Variants in TMPRSS11E observed in about 807,000 individuals in gnomAD.
The protein encoded by TMPRSS11E is transmembrane protease serine 11E.
A neutral mutation model predicts 48.1 loss-of-function variants in TMPRSS11E; 38 were observed. The observed-to-expected ratio is 0.79, with a 90% CI of 0.61 to 1.04. TMPRSS11E has a LOEUF of 1.04. Ranked by LOEUF, TMPRSS11E falls within the 50% of genes least tolerant of loss-of-function variation. The pLI is 0.00. For missense variants in TMPRSS11E, 530 were observed against 510.8 expected (o/e 1.04, Z -0.36); for synonymous variants, 158 against 171.9 (o/e 0.92, Z 0.63).
rs745322593 is a variant in TMPRSS11E, at chr4:68,476,344, T to G, written c.613T>G (p.Trp205Gly). 32 of 1,614,044 alleles carry G rather than the reference T, an allele frequency of 2.0e-5. No individual in the cohort carries two copies. The highest frequency in any genetic ancestry group is 2.5e-5 in the Non-Finnish European group (29 of 1,180,004). Residue 205 changes from tryptophan (W) to glycine (G), a missense_variant, in exon 7 of 10, where the codon TGG (tryptophan) becomes GGG (glycine). Physicochemically the swap from Trp to Gly is radical, Grantham distance 184. Coordinates refer to ENST00000305363, the MANE Select transcript of TMPRSS11E (RefSeq NM_014058.4). ...AGAAGTAGAAGAGGGTGAATGGCCC[T>G]GGCAGGCTAGCCTGCAGTGGGATGG... is the stretch of plus-strand genomic sequence containing the variant. ...GTEVEEGEWP[W>G]QASLQWDGSH...
intron 1 of TMPRSS11E, among the ~76,000 whole-genome samples, chr4:68,454,034 G>A (rs967930295): frequency 2.6e-5 from 4 of 151,984 alleles, no homozygotes; most frequent in Non-Finnish European, 5.9e-5. Context: ...TGGACAAGGG[G>A]CACTATTTGA....
At chr4:68,447,767 A>C (rs1728381517) in intron 1 of TMPRSS11E, among the ~76,000 whole-genome samples, 1 of 151,984 alleles carries the variant, frequency 6.6e-6, no homozygotes, top group South Asian at 2.1e-4. Context: ...AGGTTTCTAC[A>C]CAATGTAAAG....
chr4:68,489,427 G>T (rs1042281482), intron 9 of TMPRSS11E, among the ~76,000 whole-genome samples: 6 of 152,290 alleles, frequency 3.9e-5, no homozygotes, highest in Non-Finnish European at 7.4e-5. Context: ...GTCAGTGAGG[G>T]TCCTTGTGCT....
chr4:68,466,200 A>G (rs1483894563), intron 2 of TMPRSS11E, among the ~76,000 whole-genome samples: 2 of 152,236 alleles, frequency 1.3e-5, no homozygotes, highest in East Asian at 3.9e-4. Context: ...TTGCGGCCAG[A>G]ATTGATGTAT....
intron 9 of TMPRSS11E, among the ~76,000 whole-genome samples, chr4:68,490,123 C>T (rs62317883): frequency 0.32 from 48,358 of 152,054 alleles, 8,922 homozygotes; most frequent in Middle Eastern, 0.5. Flanking sequence ...CTCTCCAGGC[C>T]AGGAACAAGT....
At chr4:68,484,376 A>G (rs1729494453) in intron 9 of TMPRSS11E, among the ~76,000 whole-genome samples, 1 of 152,098 alleles carries the variant, frequency 6.6e-6, no homozygotes, top group Non-Finnish European at 1.5e-5. Flanking sequence ...CCACAACTAT[A>G]GTTCACTGCA....
At position 68,476,423 on chromosome 4, in the gene TMPRSS11E, C is replaced by T. The variant is rs1199321534; in HGVS notation, c.692C>T (p.Ala231Val). The T allele has an allele frequency of 3.1e-6, 5 of 1,611,372 alleles. No individual in the cohort carries two copies. Among genetic ancestry groups the T allele is most frequent in the Non-Finnish European group, 3.4e-6 (4 of 1,178,294 alleles). ...AATGCCACATGGCTTGTGAGTGCTGCTCACTGTTTTACAACGTAAGTCTTG... is the reference window on the plus strand; with the variant it reads ...AATGCCACATGGCTTGTGAGTGCTGTTCACTGTTTTACAACGTAAGTCTTG... ...LINATWLVSA[A>V]HCFTTYKNPA... The change falls in exon 7 of 10, where the codon GCT becomes GTT. Residue 231 changes from alanine (A) to valine (V), a missense_variant. Ala to Val is a moderately conservative substitution (Grantham distance 64). Transcript: ENST00000305363.
chr4:68,466,657 A>C lies in TMPRSS11E; in HGVS notation c.163A>C (p.Ser55Arg), dbSNP rs767602815. The part of the protein sequence containing the change: ...YNQKKTYNYY[S>R]TLSFTTDKLY... ...TCAAAAGAAGACCTACAATTACTAT[A>C]GCACATTGTCATTTACAACTGACAA... Residue 55 changes from serine to arginine, a missense_variant, in exon 3 of 10, where the codon AGC becomes CGC. Transcript: ENST00000305363. 1.9e-5 allele frequency: 30 copies of C among 1,613,302 alleles called. No individual in the cohort carries two copies. The Admixed American group carries it at 5.0e-4, about 27-fold the overall frequency.
intron 1 of TMPRSS11E, among the ~76,000 whole-genome samples, chr4:68,455,230 T>G (rs1728596995): frequency 1.3e-5 from 2 of 151,980 alleles, no homozygotes. Flanking sequence ...AAAAATTGCC[T>G]GAAGTCTGAT....
chr4:68,468,065 T>A (rs1728970972), intron 3 of TMPRSS11E, among the ~76,000 whole-genome samples: 1 of 152,144 alleles, frequency 6.6e-6, no homozygotes, highest in African/African-American at 2.4e-5. Context: ...TTCAGAGGAC[T>A]TCTGCTATTC....
intron 9 of TMPRSS11E, among the ~76,000 whole-genome samples, chr4:68,489,556 A>G (rs1321682690): frequency 6.6e-6 from 1 of 152,210 alleles, no homozygotes; most frequent in Non-Finnish European, 1.5e-5. Context: ...TGGAGGCTGC[A>G]GGCAAAGGCA....
chr4:68,453,011 G>T (rs34764123), intron 1 of TMPRSS11E, among the ~76,000 whole-genome samples: 1 of 151,740 alleles, frequency 6.6e-6, no homozygotes, highest in African/African-American at 2.4e-5. Flanking sequence ...GCTTAATGCA[G>T]ACCCTTGATG....
In TMPRSS11E at chr4:68,469,048, A is replaced by G. The variant is rs1006956556; in HGVS notation, c.326+102A>G. ...AGTGTTAAAGATATAATTCAATCCA[A>G]CAAACATTTGACACTTGTCCTGTGT... On this transcript the variant is annotated intron_variant, in intron 4 of 9. Coordinates refer to ENST00000305363, the MANE Select transcript of TMPRSS11E (RefSeq NM_014058.4). The G allele has an allele frequency of 2.3e-5, 22 of 969,572 alleles. No homozygotes were observed. The African/African-American group carries it at 3.1e-4, about 14-fold the overall frequency. The allele number at this position is 969,572 out of a possible 1,614,324, so 60.1% of individuals were successfully genotyped here.
chr4:68,496,404 G>A (rs1729865464), intron 9 of TMPRSS11E, among the ~76,000 whole-genome samples: 1 of 152,100 alleles, frequency 6.6e-6, no homozygotes, highest in South Asian at 2.1e-4. Flanking sequence ...CAATCTCATT[G>A]TTTTGAAGGT....
intron 9 of TMPRSS11E, among the ~76,000 whole-genome samples, chr4:68,487,567 G>T (rs909097749): frequency 2.0e-5 from 3 of 152,022 alleles, no homozygotes; most frequent in African/African-American, 7.2e-5. Flanking sequence ...ATGGTCTTTT[G>T]TTGCCATGTT....
chr4:68,456,019 A>T (rs1455955660), intron 1 of TMPRSS11E, among the ~76,000 whole-genome samples: 2 of 151,928 alleles, frequency 1.3e-5, no homozygotes, highest in African/African-American at 4.8e-5. Flanking sequence ...GCCAAGTGTC[A>T]ACTTAAATAT....
intron 9 of TMPRSS11E, among the ~76,000 whole-genome samples, chr4:68,495,636 T>A (rs982092932): frequency 6.6e-6 from 1 of 152,080 alleles, no homozygotes; most frequent in African/African-American, 2.4e-5. Context: ...ATTTTTTAAA[T>A]GGACAAAAGA....
chr4:68,461,506 TC>T (rs2109673048), intron 1 of TMPRSS11E, among the ~76,000 whole-genome samples: 1 of 152,358 alleles, frequency 6.6e-6, no homozygotes, highest in Admixed American at 6.5e-5. Context: ...TTTCTACATG[TC>T]AGGCATTGTT....
At chr4:68,460,312 A>G (rs1728753917) in intron 1 of TMPRSS11E, among the ~76,000 whole-genome samples, 1 of 152,192 alleles carries the variant, frequency 6.6e-6, no homozygotes, top group South Asian at 2.1e-4. Flanking sequence ...ATCCTATATC[A>G]TCAGGAAACA....
Sources: gnomAD v4.1 joint callset for allele counts (sites outside exome capture counted in the v4.1 genomes callset) on GRCh38, gnomAD v4.1.1 for gene constraint, MANE v1.5 for transcripts, NCBI Gene and HGNC (gene_info 2026-07-23, HGNC 2026-07-21) for gene names.